Variants in FLNB observed in about 807,000 individuals in gnomAD.
FLNB encodes the protein filamin-B.
Under a neutral mutation model 250.6 loss-of-function variants are expected in FLNB, and 111 were observed. The observed-to-expected ratio is 0.44, with a 90% CI of 0.38 to 0.52. The LOEUF (loss-of-function observed/expected upper bound fraction) is 0.52. Among genes scored for constraint, FLNB ranks in the 20% least tolerant of loss-of-function variants. The probability of loss-of-function intolerance (pLI) is 0.00; values close to 1 mark genes in which losing one functional copy is unlikely to be tolerated. For synonymous variants in FLNB, 1,302 were observed against 1,372.1 expected (o/e 0.95, Z 1.13); for missense variants, 2,869 against 3,447.8 (o/e 0.83, Z 4.20).
At chr3:58,153,258 C>T in intron 38 of FLNB, 117 bp from the exon 39 acceptor site, 3 of 1,218,156 alleles carry the variant, frequency 2.5e-6, no homozygotes, top group Non-Finnish European at 2.4e-6. Context: ...GCCTGGGCAC[C>T]TCACGTCCAC....
intron 1 of FLNB, among the ~76,000 whole-genome samples, chr3:58,072,568 A>G (rs2097196211): frequency 6.6e-6 from 1 of 152,044 alleles, no homozygotes; most frequent in Admixed American, 6.6e-5. Context: ...GGAGTCTCCT[A>G]TTTCATGTGG....
chr3:58,156,172 C>A (rs2097353112), intron 41 of FLNB, 97 bp downstream of exon 41: 1 of 879,290 alleles, frequency 1.1e-6, no homozygotes, highest in Non-Finnish European at 1.9e-6. Context: ...GGTGCTGAGG[C>A]CCCTTTTCAC....
At chr3:58,129,343 G>T (rs183746207) in intron 24 of FLNB, among the ~76,000 whole-genome samples, 1 of 152,312 alleles carries the variant, frequency 6.6e-6, no homozygotes, top group African/African-American at 2.4e-5. Flanking sequence ...AATGCTTGGG[G>T]TCTGCCATCT....
chr3:58,092,232 T>G (rs1457626630), intron 4 of FLNB, among the ~76,000 whole-genome samples: 16 of 152,212 alleles, frequency 1.1e-4, no homozygotes, highest in African/African-American at 3.6e-4. Context: ...ATATTAATAC[T>G]GATAACACTA....
intron 35 of FLNB, 25 bp from the exon 36 acceptor site, chr3:58,148,624 A>G: frequency 1.2e-6 from 2 of 1,600,878 alleles, no homozygotes; most frequent in Non-Finnish European, 1.7e-6. Flanking sequence ...TCCCCTTACA[A>G]GCCCCAATCT....
intron 24 of FLNB, 149 bp downstream of exon 24, chr3:58,126,911 A>T (rs1454501151): frequency 6.7e-6 from 5 of 751,240 alleles, no homozygotes; most frequent in South Asian, 1.6e-5. Context: ...CATCTCCAAG[A>T]TTATCTCAAC....
chr3:58,084,788 A>T (rs2097214793), intron 4 of FLNB, among the ~76,000 whole-genome samples: 1 of 152,088 alleles, frequency 6.6e-6, no homozygotes. Context: ...TGCTCCTGGT[A>T]ACCTTTATTC....
rs759747310 is a variant in FLNB at position 58,130,820 on chromosome 3, C to G, written c.4302C>G (p.Gly1434=). 5 of 1,613,504 alleles carry G rather than the reference C, an allele frequency of 3.1e-6. No homozygotes were observed. Among genetic ancestry groups the G allele is most frequent in the Admixed American group, 1.7e-5 (1 of 59,966 alleles). ...TTGCCGGCCCCGGGCTGGGCTCAGG[C>G]GTCCGAGCCCGTGTCCTGCAGTCCT... ...VKIAGPGLGS[G]VRARVLQSFT... Residue 1434 remains glycine, a synonymous_variant, in exon 25 of 46, where the codon GGC becomes GGG. Coordinates refer to ENST00000295956, the MANE Select transcript of FLNB (RefSeq NM_001457.4).
intron 18 of FLNB, among the ~76,000 whole-genome samples, chr3:58,117,774 T>C (rs1383946007): frequency 6.6e-6 from 1 of 151,516 alleles, no homozygotes; most frequent in African/African-American, 2.4e-5. Context: ...TAATCCTCTC[T>C]TCATTGATGC....
Position 58,112,293 on chromosome 3 carries a change from C to T in FLNB, c.2720C>T (p.Thr907Met), listed in dbSNP as rs1278734962. Residue 907 changes from threonine (T) to methionine (M), a missense_variant, in exon 18 of 46, where the codon ACG becomes ATG. Thr to Met is a moderately conservative substitution (Grantham distance 81). Around this residue, in one of 5 missense-constraint regions of FLNB, gnomAD observed 1,348 missense variants for 1,466.7 expected, o/e 0.92. Transcript: ENST00000295956. ...ATCGATAATTATGACTACTCTCACA[C>T]GGTTAAATATACACCCACCCAACAG... ...DIIDNYDYSHTVKYTPTQQGN... is the reference protein window; with the variant it reads ...DIIDNYDYSHMVKYTPTQQGN... 7.2e-5 allele frequency: 116 copies of T among 1,613,660 alleles called. No homozygotes were observed. Among genetic ancestry groups the T allele is most frequent in the East Asian group, 3.8e-4 (17 of 44,890 alleles).
intron 4 of FLNB, among the ~76,000 whole-genome samples, chr3:58,085,263 C>T (rs2097215672): frequency 9.2e-6 from 1 of 108,712 alleles, no homozygotes; most frequent in South Asian, 3.9e-4. Context: ...AGTGGCCTCA[C>T]TCTGCTTTTT....
intron 41 of FLNB, among the ~76,000 whole-genome samples, chr3:58,158,730 A>T (rs1042424234): frequency 6.6e-6 from 1 of 152,198 alleles, no homozygotes; most frequent in Non-Finnish European, 1.5e-5. Flanking sequence ...CCAGAAGAGG[A>T]GATAGTTTCC....
intron 34 of FLNB, among the ~76,000 whole-genome samples, 176 bp from the exon 35 acceptor site, chr3:58,148,030 A>T (rs1399601532): frequency 6.6e-6 from 1 of 152,298 alleles, no homozygotes; most frequent in East Asian, 1.9e-4. Context: ...GCAGGCATGA[A>T]TCCCATCATT....
At chr3:58,143,741 C>T (rs1161872069) in intron 32 of FLNB, 128 bp downstream of exon 32, 6 of 1,102,532 alleles carry the variant, frequency 5.4e-6, no homozygotes, top group Non-Finnish European at 6.7e-6. Context: ...GCGTTGGTAC[C>T]CCTGTGAAAC....
At chr3:58,066,222 T>TA (rs1301225530) in intron 1 of FLNB, among the ~76,000 whole-genome samples, 2 of 151,230 alleles carry the variant, frequency 1.3e-5, no homozygotes, top group African/African-American at 4.9e-5. Flanking sequence ...TTTTTCTTTT[T>TA]TTTTTTTTTG....
chr3:58,018,155 T>C (rs1010390325), intron 1 of FLNB, among the ~76,000 whole-genome samples: 4 of 152,070 alleles, frequency 2.6e-5, no homozygotes, highest in African/African-American at 4.8e-5. Flanking sequence ...ATCTTACTTA[T>C]ACTACTTCTA....
At chr3:58,034,259 A>C (rs1386271868) in intron 1 of FLNB, among the ~76,000 whole-genome samples, 3 of 152,190 alleles carry the variant, frequency 2.0e-5, no homozygotes, top group Non-Finnish European at 4.4e-5. Flanking sequence ...ATCATACATC[A>C]TAGGTGTACG....
At chr3:58,105,364 T>C in intron 11 of FLNB, 148 bp downstream of exon 11, 1 of 976,344 alleles carries the variant, frequency 1.0e-6, no homozygotes, top group Non-Finnish European at 1.6e-6. Flanking sequence ...CTCTGCGTGC[T>C]GCTGTACATT....
chr3:58,018,910 G>A (rs528232703), intron 1 of FLNB, among the ~76,000 whole-genome samples: 2 of 138,396 alleles, frequency 1.4e-5, no homozygotes, highest in Non-Finnish European at 3.0e-5. Flanking sequence ...GGTGCTGGAG[G>A]ATCTATTGAG....
Sources: allele counts gnomAD v4.1 joint callset (sites outside exome capture counted in the v4.1 genomes callset), GRCh38; gene constraint gnomAD v4.1.1; regional missense constraint gnomAD v4.1.1; transcripts MANE v1.5; gene names NCBI Gene and HGNC (gene_info 2026-07-23, HGNC 2026-07-21).